The following CNTN4 variants were observed in gnomAD, a reference collection of about 807,000 sequenced individuals.
CNTN4 encodes contactin 4.
In CNTN4, 77 loss-of-function variants were observed where a neutral mutation model predicts 122.5. The observed-to-expected ratio is 0.63, with a 90% confidence interval of 0.52 to 0.76. CNTN4 has a LOEUF of 0.76. Among genes scored for constraint, CNTN4 ranks in the 30% least tolerant of loss-of-function variants. CNTN4 has a pLI of 0.00. For synonymous variants in CNTN4, 512 were observed against 447.0 expected, an observed-to-expected ratio of 1.15 and a Z score of -1.83; for missense variants, 1,256 against 1,259.1, an observed-to-expected ratio of 1.00 and a Z score of 0.04.
intron 4 of CNTN4, among the ~76,000 whole-genome samples, chr3:2,630,289 A>T (rs1236391300): frequency 1.3e-5 from 2 of 152,122 alleles, no homozygotes; most frequent in Non-Finnish European, 2.9e-5. Context: ...TACAACAAAA[A>T]TTAGCCAGGC....
intron 2 of CNTN4, among the ~76,000 whole-genome samples, chr3:2,195,517 A>G (rs956021533): frequency 3.9e-5 from 6 of 152,182 alleles, no homozygotes; most frequent in African/African-American, 1.4e-4. Context: ...TTTCCTTAAT[A>G]TTTGGAAATA....
intron 4 of CNTN4, among the ~76,000 whole-genome samples, chr3:2,582,137 T>C (rs1368874492): frequency 2.0e-5 from 3 of 152,170 alleles, no homozygotes; most frequent in Admixed American, 2.0e-4. Flanking sequence ...AAAGGCTGAA[T>C]TGTATGATGT....
chr3:2,398,808 C>T (rs1029079073), intron 3 of CNTN4, among the ~76,000 whole-genome samples: 1 of 152,144 alleles, frequency 6.6e-6, no homozygotes, highest in Non-Finnish European at 1.5e-5. Flanking sequence ...TGATGGGGCT[C>T]ATTCTCCTTT....
chr3:2,813,374 A>G (rs2092657066), intron 6 of CNTN4, among the ~76,000 whole-genome samples: 1 of 152,192 alleles, frequency 6.6e-6, no homozygotes, highest in Non-Finnish European at 1.5e-5. Flanking sequence ...GGGAGAATTA[A>G]TAGAATCCAG....
rs1046629435 is a variant in CNTN4 at position 2,745,809 on chromosome 3, G to A, written c.358+112G>A. On this transcript the variant is annotated intron_variant, in intron 6 of 24. Coordinates refer to ENST00000418658, the MANE Select transcript of CNTN4 (RefSeq NM_175607.3). ...GAGACTAGATTTTAATTGGTTACAT[G>A]ATCATCTTTACTCTTTTTCACATTT... 42 of 936,038 alleles carry A rather than the reference G, an allele frequency of 4.5e-5. No homozygotes were observed. The African/African-American group carries it at 5.7e-4, about 13-fold the overall frequency. 58.0% of individuals were successfully genotyped at this position (936,038 alleles called of 1,614,324 possible).
At chr3:3,019,765 AATATATATATATAT>A (rs67229453) in intron 14 of CNTN4, among the ~76,000 whole-genome samples, 29,791 of 137,966 alleles carry the variant, frequency 0.22, 3,396 homozygotes, top group African/African-American at 0.27. Flanking sequence ...TGTGTACACA[AATATATATATATAT>A]ATATATATAT....
rs1487597521 is a variant in CNTN4, at chr3:2,736,244, A to C, written c.85A>C (p.Ile29Leu). The change falls in exon 5 of 25, where the codon ATT becomes CTT. Residue 29 changes from isoleucine (I) to leucine (L), a missense_variant. Physicochemically the swap from Ile to Leu is conservative, Grantham distance 5. Transcript: ENST00000418658. Reference protein sequence around the residue: ...DDSTLHGPIFIQEPSPVMFPL... With the variant: ...DDSTLHGPIFLQEPSPVMFPL... ...TTCCACACTGCATGGCCCGATTTTT[A>C]TTCAAGAACCAAGTCCTGTAATGTT... 2.5e-6 allele frequency: 4 copies of C among 1,613,502 alleles called. No homozygotes were observed. Among genetic ancestry groups the C allele is most frequent in the Non-Finnish European group, 3.4e-6 (4 of 1,179,772 alleles).
At chr3:3,027,671 A>G (rs1360951234) in intron 15 of CNTN4, among the ~76,000 whole-genome samples, 1 of 152,208 alleles carries the variant, frequency 6.6e-6, no homozygotes, top group Non-Finnish European at 1.5e-5. Flanking sequence ...TCTCACATTA[A>G]AACCAATTTC....
intron 3 of CNTN4, among the ~76,000 whole-genome samples, chr3:2,483,864 A>G (rs1031785824): frequency 6.6e-6 from 1 of 152,212 alleles, no homozygotes; most frequent in Non-Finnish European, 1.5e-5. Flanking sequence ...GCGTGAGAAC[A>G]GACTAATACT....
Position 2,385,427 on chromosome 3 carries a change from G to A in CNTN4, c.-89+46194G>A, listed in dbSNP as rs1185713867. On this transcript the variant is annotated intron_variant, in intron 3 of 24. Coordinates refer to ENST00000418658, the MANE Select transcript of CNTN4 (RefSeq NM_175607.3). The surrounding 1 kb of genome is among the most constrained non-coding windows in gnomAD (Gnocchi z 4.0). ...CTATTACCTGAGCAATATTCCTGGT[G>A]TCTTGTTCATAGCAGATGCTTGTAT... Among the ~76,000 whole-genome samples, 2 of 152,034 alleles carry A rather than the reference G, an allele frequency of 1.3e-5. No homozygotes were observed. The highest frequency in any genetic ancestry group is 1.9e-4 in the East Asian group (1 of 5,170).
chr3:2,407,689 T>G (rs2047088340), intron 3 of CNTN4, among the ~76,000 whole-genome samples: 1 of 152,146 alleles, frequency 6.6e-6, no homozygotes, highest in African/African-American at 2.4e-5. Context: ...GCACTGTATG[T>G]TAAAATTGAT....
chr3:2,111,726 A>G (rs1016060030), intron 2 of CNTN4, among the ~76,000 whole-genome samples: 2 of 152,086 alleles, frequency 1.3e-5, no homozygotes, highest in African/African-American at 4.8e-5. Flanking sequence ...CTTGTATATA[A>G]TGGAGGAATT....
At chr3:2,320,208 G>A (rs746651464) in intron 2 of CNTN4, among the ~76,000 whole-genome samples, 8 of 152,060 alleles carry the variant, frequency 5.3e-5, no homozygotes, top group Non-Finnish European at 1.2e-4. Flanking sequence ...GAAGTGGGGG[G>A]ATTTAATTAC....
chr3:2,520,380 C>G (rs372839113), intron 3 of CNTN4, among the ~76,000 whole-genome samples: 2 of 142,396 alleles, frequency 1.4e-5, no homozygotes, highest in Non-Finnish European at 3.0e-5. Context: ...TCAAGTGATT[C>G]TTGTGCCTCA....
chr3:2,270,438 C>T lies in CNTN4; in HGVS notation c.-144-68740C>T, dbSNP rs186949550. Among the ~76,000 whole-genome samples the T allele has an allele frequency of 1.2e-3, 174 of 145,800 alleles. 1 individual carries two copies. In the Middle Eastern group the frequency reaches 0.014, roughly 12 times the overall value. On this transcript the variant is annotated intron_variant, in intron 2 of 24. Coordinates refer to ENST00000418658, the MANE Select transcript of CNTN4 (RefSeq NM_175607.3). The stretch of plus-strand genomic sequence containing the variant: ...GGGGGGGAATGAGGTTGTTCTTAGA[C>T]AGTTAGAGGCACAGAGGGTATATAT...
At chr3:2,101,991 A>T (rs1376893530) in intron 2 of CNTN4, among the ~76,000 whole-genome samples, 1 of 152,204 alleles carries the variant, frequency 6.6e-6, no homozygotes, top group Non-Finnish European at 1.5e-5. Context: ...TATCTTCTGT[A>T]ACAAATAGAT....
intron 7 of CNTN4, among the ~76,000 whole-genome samples, chr3:2,833,778 A>G (rs1249062341): frequency 6.6e-6 from 1 of 152,236 alleles, no homozygotes; most frequent in Non-Finnish European, 1.5e-5. Flanking sequence ...TGGGTTCAGC[A>G]TATGACCTGT....
intron 3 of CNTN4, among the ~76,000 whole-genome samples, chr3:2,340,710 T>TATATATAGAGAGAGAGAG: frequency 2.1e-3 from 39 of 18,302 alleles, no homozygotes; most frequent in Non-Finnish European, 4.5e-3. Context: ...TATATATATA[T>TATATATAGAGAGAGAGAG]AGAGAGAGAG....
chr3:2,377,617 C>CA (rs1344370806), intron 3 of CNTN4, among the ~76,000 whole-genome samples: 1 of 152,186 alleles, frequency 6.6e-6, no homozygotes, highest in African/African-American at 2.4e-5. Context: ...GAAGCTGAGA[C>CA]AGTAAAACTG....
Sources: allele counts gnomAD v4.1 joint callset (sites outside exome capture counted in the v4.1 genomes callset), GRCh38; gene constraint gnomAD v4.1.1; non-coding constraint Gnocchi (gnomAD v3.1); transcripts MANE v1.5; gene names NCBI Gene and HGNC (gene_info 2026-07-23, HGNC 2026-07-21).